CSMD1: variants seen among roughly 807,000 people sequenced by gnomAD.
The protein encoded by CSMD1 is CUB and sushi domain-containing protein 1.
Under a neutral mutation model 417.5 loss-of-function variants are expected in CSMD1, and 213 were observed. The ratio of observed to expected loss-of-function variants is 0.51; its 90% CI spans 0.46 to 0.57. The LOEUF is 0.57. Ranked by LOEUF, CSMD1 falls within the 20% of genes least tolerant of loss-of-function variation. The pLI is 0.00. For missense variants in CSMD1, 6,923 were observed against 4,529.7 expected (o/e 1.53, Z -15.17); for synonymous variants, 2,862 against 1,736.8 (o/e 1.65, Z -16.11).
At chr8:3,828,513 TTATC>T (rs760356907) in intron 5 of CSMD1, among the ~76,000 whole-genome samples, 1 of 152,154 alleles carries the variant, frequency 6.6e-6, no homozygotes, top group Non-Finnish European at 1.5e-5. Flanking sequence ...CAAACACTAG[TTATC>T]TATAATTCCT....
chr8:4,159,078 G>C (rs894575724), intron 3 of CSMD1, among the ~76,000 whole-genome samples: 5 of 152,084 alleles, frequency 3.3e-5, no homozygotes, highest in Admixed American at 6.5e-5. Flanking sequence ...ACCAGGCCCA[G>C]CTAATTTTTG....
intron 6 of CSMD1, among the ~76,000 whole-genome samples, chr8:3,721,764 G>A (rs1563309857): frequency 6.6e-6 from 1 of 152,128 alleles, no homozygotes; most frequent in African/African-American, 2.4e-5. Flanking sequence ...CTTTACATGA[G>A]GATAATAGAA....
chr8:3,540,691 AAAAC>A (rs1436281527), intron 10 of CSMD1, among the ~76,000 whole-genome samples: 1 of 152,194 alleles, frequency 6.6e-6, no homozygotes, highest in Non-Finnish European at 1.5e-5. Context: ...TACAAGAAAA[AAAAC>A]AAACAATCCC....
chr8:4,261,027 T>C (rs916466831), intron 3 of CSMD1, among the ~76,000 whole-genome samples: 1 of 152,216 alleles, frequency 6.6e-6, no homozygotes, highest in Admixed American at 6.5e-5. Context: ...AACGTAGACA[T>C]CACTTACTAT....
chr8:3,930,978 G>C (rs7014494), intron 5 of CSMD1, among the ~76,000 whole-genome samples: 1 of 150,484 alleles, frequency 6.6e-6, no homozygotes, highest in Non-Finnish European at 1.5e-5. Context: ...ACGCCCTGTG[G>C]AATATCATCT....
At position 4,994,514 on chromosome 8, in the gene CSMD1, C is replaced by G; in HGVS notation, c.-98G>C. On this transcript the variant is annotated 5_prime_UTR_variant, in exon 1 of 70. Coordinates refer to ENST00000635120, the MANE Select transcript of CSMD1 (RefSeq NM_033225.6). ...ATAATCACCCGAGGGCAAGGCGAGC[C>G]GGAGAGAGAGCCCGGTCCCAAGACC... is the stretch of plus-strand genomic sequence containing the variant. The G allele has an allele frequency of 2.7e-6, 3 of 1,129,524 alleles. No homozygotes were observed. Among genetic ancestry groups the G allele is most frequent in the Non-Finnish European group, 1.3e-6 (1 of 779,658 alleles). 70.0% of individuals were successfully genotyped at this position (1,129,524 alleles called of 1,614,324 possible). A position where few individuals can be genotyped will look rare whatever the true frequency, so the allele number is the denominator to read the frequency against.
chr8:3,652,440 G>A (rs141567849), intron 7 of CSMD1, among the ~76,000 whole-genome samples: 6 of 152,338 alleles, frequency 3.9e-5, no homozygotes, highest in African/African-American at 1.4e-4. Context: ...CACAATGGAT[G>A]CATTAGCTCA....
chr8:3,719,147 T>C (rs1802004278), intron 6 of CSMD1, among the ~76,000 whole-genome samples: 1 of 152,204 alleles, frequency 6.6e-6, no homozygotes, highest in Non-Finnish European at 1.5e-5. Flanking sequence ...CTCGTTCTTC[T>C]TTTCTATACT....
intron 3 of CSMD1, among the ~76,000 whole-genome samples, chr8:4,127,315 A>C (rs940367607): frequency 4.0e-5 from 6 of 151,696 alleles, no homozygotes; most frequent in Admixed American, 3.9e-4. Context: ...CTTATTCTAG[A>C]CTTCTTTCTT....
At chr8:4,182,502 C>A (rs1195003443) in intron 3 of CSMD1, among the ~76,000 whole-genome samples, 2 of 151,998 alleles carry the variant, frequency 1.3e-5, no homozygotes, top group East Asian at 3.9e-4. Flanking sequence ...ACATTATTAG[C>A]GAAATGTTGG....
At chr8:3,010,850 T>C (rs760445786) in intron 52 of CSMD1, among the ~76,000 whole-genome samples, 2 of 151,912 alleles carry the variant, frequency 1.3e-5, no homozygotes, top group Non-Finnish European at 2.9e-5. Context: ...TTCACGCGAT[T>C]CTCCTGCCTC....
intron 49 of CSMD1, among the ~76,000 whole-genome samples, chr8:3,067,283 T>C (rs1388359215): frequency 6.6e-6 from 1 of 152,122 alleles, no homozygotes; most frequent in Non-Finnish European, 1.5e-5. Context: ...GTACAAATCA[T>C]TACCAGACGC....
chr8:3,674,205 T>C (rs142041174), intron 7 of CSMD1, among the ~76,000 whole-genome samples: 153 of 152,330 alleles, frequency 1.0e-3, no homozygotes, highest in Admixed American at 8.8e-3. Flanking sequence ...GAGTTGTCTC[T>C]AGAATTATCA....
intron 3 of CSMD1, among the ~76,000 whole-genome samples, chr8:4,249,422 G>C (rs1396513196): frequency 2.0e-5 from 3 of 152,184 alleles, no homozygotes; most frequent in Admixed American, 6.5e-5. Context: ...AATAGTGTTA[G>C]TGAAAAAGGA....
chr8:4,701,258 G>A (rs560750514), intron 1 of CSMD1, among the ~76,000 whole-genome samples: 25 of 151,376 alleles, frequency 1.7e-4, no homozygotes, highest in African/African-American at 5.8e-4. Context: ...CTTCCACCTG[G>A]CAAATACCAA....
chr8:4,245,231 C>A (rs753363234), intron 3 of CSMD1, among the ~76,000 whole-genome samples: 3 of 152,268 alleles, frequency 2.0e-5, no homozygotes, highest in East Asian at 3.9e-4. Context: ...AACTCTAAAT[C>A]GGATGAAATC....
chr8:4,498,058 G>C (rs896349188), intron 2 of CSMD1, among the ~76,000 whole-genome samples: 1 of 152,138 alleles, frequency 6.6e-6, no homozygotes, highest in East Asian at 1.9e-4. Flanking sequence ...TCCTCCATGT[G>C]TGTGAGATAC....
chr8:4,006,580 G>A (rs866806784), intron 4 of CSMD1, among the ~76,000 whole-genome samples: 2 of 152,084 alleles, frequency 1.3e-5, no homozygotes, highest in Non-Finnish European at 2.9e-5. Flanking sequence ...AATATTCTTG[G>A]GATGTTAGTT....
At chr8:4,070,386 C>G (rs893916667) in intron 3 of CSMD1, among the ~76,000 whole-genome samples, 4 of 152,150 alleles carry the variant, frequency 2.6e-5, no homozygotes, top group Non-Finnish European at 5.9e-5. Flanking sequence ...GAGACAGAGT[C>G]TCGCTGTGTC....
Sources: gnomAD v4.1 joint callset for allele counts (sites outside exome capture counted in the v4.1 genomes callset) on GRCh38, gnomAD v4.1.1 for gene constraint, MANE v1.5 for transcripts, NCBI Gene and HGNC (gene_info 2026-07-23, HGNC 2026-07-21) for gene names.